The following UNC5C variants were observed in gnomAD, a reference collection of about 807,000 sequenced individuals.
UNC5C encodes unc-5 netrin receptor C.
A neutral mutation model predicts 99.8 loss-of-function variants in UNC5C; 47 were observed. The ratio of observed to expected loss-of-function variants is 0.47; its 90% confidence interval spans 0.37 to 0.60. The LOEUF (loss-of-function observed/expected upper bound fraction) is 0.60. UNC5C is among the 20% of genes least tolerant of loss of function. UNC5C has a pLI of 0.00. For missense variants in UNC5C, 1,062 were observed against 1,165.9 expected (o/e 0.91, Z 1.30); for synonymous variants, 487 against 452.2 (o/e 1.08, Z -0.98).
chr4:95,475,946 T>A (rs926097604), intron 1 of UNC5C, among the ~76,000 whole-genome samples: 1 of 152,122 alleles, frequency 6.6e-6, no homozygotes, highest in Non-Finnish European at 1.5e-5. Context: ...GCACACATTA[T>A]GCTTACCTGC....
chr4:95,534,336 A>G (rs141200694), intron 1 of UNC5C, among the ~76,000 whole-genome samples: 261 of 152,286 alleles, frequency 1.7e-3, no homozygotes, highest in Non-Finnish European at 2.9e-3. Flanking sequence ...GGTTATAAAT[A>G]TATTGGGTTA....
chr4:95,418,553 A>C (rs1329450580), intron 1 of UNC5C, among the ~76,000 whole-genome samples: 1 of 152,190 alleles, frequency 6.6e-6, no homozygotes, highest in African/African-American at 2.4e-5. Flanking sequence ...TCTGGGGTTG[A>C]GAAGTATAAT....
At position 95,165,279 on chromosome 4, in the gene UNC5C, G is replaced by A. The variant is rs947259035; in HGVS notation, c.*3955C>T. The stretch of plus-strand genomic sequence containing the variant: ...CTGAAAATCGCTCTACTTTTTGATA[G>A]TTGAGAGACTTAAATCTATAAAATA... On this transcript the variant is annotated 3_prime_UTR_variant, in exon 16 of 16. Transcript: ENST00000453304. 1 of 152,196 alleles carries A rather than the reference G, an allele frequency of 6.6e-6. No homozygotes were observed. Among genetic ancestry groups the A allele is most frequent in the African/African-American group, 2.4e-5 (1 of 41,426 alleles). The allele number at this position is 152,196 out of a possible 1,614,324, so 9.4% of individuals were successfully genotyped here. A position where few individuals can be genotyped will look rare whatever the true frequency, so the allele number is the denominator to read the frequency against.
chr4:95,355,077 T>C (rs918344908), intron 1 of UNC5C, among the ~76,000 whole-genome samples: 2 of 152,104 alleles, frequency 1.3e-5, no homozygotes, highest in African/African-American at 4.8e-5. Context: ...TTAAGAATTG[T>C]GTAATTGCTA....
chr4:95,296,831 T>C (rs569670163), intron 3 of UNC5C, among the ~76,000 whole-genome samples: 139 of 152,342 alleles, frequency 9.1e-4, no homozygotes, highest in Non-Finnish European at 1.4e-3. Context: ...TTTTTAAACA[T>C]GATTAAAAGT....
At chr4:95,183,384 A>T (rs75176531) in intron 13 of UNC5C, among the ~76,000 whole-genome samples, 1 of 16,620 alleles carries the variant, frequency 6.0e-5, no homozygotes, top group African/African-American at 1.4e-4. Context: ...GTAAATGATT[A>T]AAAAAAAAAA....
chr4:95,250,205 C>G (rs1191210828), intron 5 of UNC5C, among the ~76,000 whole-genome samples: 1 of 151,980 alleles, frequency 6.6e-6, no homozygotes, highest in African/African-American at 2.4e-5. Context: ...AGCAAGCAAG[C>G]AGCGATGGAG....
chr4:95,218,708 T>C lies in UNC5C; in HGVS notation c.1645+261A>G, dbSNP rs75588818. Among the ~76,000 whole-genome samples, 1,053 of 152,322 alleles carry C rather than the reference T, an allele frequency of 6.9e-3. 12 individuals carry two copies. Among genetic ancestry groups the C allele is most frequent in the African/African-American group, 0.024 (993 of 41,562 alleles). On this transcript the variant is annotated intron_variant, in intron 9 of 15. Coordinates refer to ENST00000453304, the MANE Select transcript of UNC5C (RefSeq NM_003728.4). ...GTTCTAGTAAAAAGGAGGTCAATGA[T>C]GGTTCTAAATTACACCTCAGCAGAA...
intron 2 of UNC5C, among the ~76,000 whole-genome samples, chr4:95,332,320 A>C (rs1029607235): frequency 1.3e-5 from 2 of 149,920 alleles, no homozygotes; most frequent in Non-Finnish European, 1.5e-5. Context: ...ACTTCAAACT[A>C]TACTGCAAGG....
chr4:95,416,989 T>C (rs1419396533), intron 1 of UNC5C, among the ~76,000 whole-genome samples: 1 of 152,168 alleles, frequency 6.6e-6, no homozygotes, highest in Non-Finnish European at 1.5e-5. Context: ...ATTCTTGGAA[T>C]AGCCTTATAA....
At position 95,347,326 on chromosome 4, in the gene UNC5C, C is replaced by T. The variant is rs1432308210; in HGVS notation, c.125-11695G>A. 3.9e-5 allele frequency among the ~76,000 whole-genome samples: 6 copies of T among 152,020 alleles called. No individual in the cohort carries two copies. The East Asian group carries it at 5.8e-4, about 15-fold the overall frequency. ...GGAAGAACCAACATTGTTAAAATGTCCATACTACCCAAAGCAATCTAGATT... is the reference window on the plus strand; with the variant it reads ...GGAAGAACCAACATTGTTAAAATGTTCATACTACCCAAAGCAATCTAGATT... On this transcript the variant is annotated intron_variant, in intron 1 of 15. Coordinates refer to ENST00000453304, the MANE Select transcript of UNC5C (RefSeq NM_003728.4).
intron 3 of UNC5C, among the ~76,000 whole-genome samples, chr4:95,292,259 AT>A (rs1316110462): frequency 0.18 from 16,842 of 92,220 alleles, 1,099 homozygotes; most frequent in Middle Eastern, 0.27. Context: ...ATATATATAT[AT>A]ATATATAAAT....
At chr4:95,399,436 T>A (rs940961567) in intron 1 of UNC5C, among the ~76,000 whole-genome samples, 1 of 152,220 alleles carries the variant, frequency 6.6e-6, no homozygotes, top group Non-Finnish European at 1.5e-5. Context: ...GATTTTCAAA[T>A]TGGATTATGT....
Position 95,354,479 on chromosome 4 carries a change from A to ATATATATATATATTTTT in UNC5C, c.125-18849_125-18848insAAAAATATATATATATA. On this transcript the variant is annotated intron_variant, in intron 1 of 15. Coordinates refer to ENST00000453304, the MANE Select transcript of UNC5C (RefSeq NM_003728.4). ...TTACCTAACTCTTCCATATATATAT[A>ATATATATATATATTTTT]TTTTTTTTTTTTTTTTAAGAGACAG... 5.4e-5 allele frequency among the ~76,000 whole-genome samples: 6 copies of ATATATATATATATTTTT among 110,348 alleles called. 1 individual carries two copies. The highest frequency in any genetic ancestry group is 8.1e-5 in the African/African-American group (2 of 24,724). 72.4% of individuals were successfully genotyped at this position (110,348 alleles called of 152,430 possible). A position where few individuals can be genotyped will look rare whatever the true frequency, so the allele number is the denominator to read the frequency against.
At chr4:95,226,841 T>A (rs1409147354) in intron 7 of UNC5C, among the ~76,000 whole-genome samples, 1 of 152,098 alleles carries the variant, frequency 6.6e-6, no homozygotes, top group East Asian at 1.9e-4. Context: ...TTGGTTGTCA[T>A]AAGGATTAGG....
At chr4:95,312,517 A>G (rs1435068399) in intron 2 of UNC5C, among the ~76,000 whole-genome samples, 3 of 152,218 alleles carry the variant, frequency 2.0e-5, no homozygotes, top group African/African-American at 4.8e-5. Flanking sequence ...GTTAATCTGC[A>G]TAACAATCCT....
At chr4:95,517,117 C>T (rs1042048374) in intron 1 of UNC5C, among the ~76,000 whole-genome samples, 3 of 151,948 alleles carry the variant, frequency 2.0e-5, no homozygotes, top group Admixed American at 6.6e-5. Context: ...GCATATGAAC[C>T]GTGCTTTAAA....
Position 95,548,741 on chromosome 4 carries a change from G to T in UNC5C, c.117C>A (p.Ala39=), listed in dbSNP as rs749134400. Residue 39 remains alanine, a synonymous_variant, in exon 1 of 16, where the codon GCC becomes GCA. Coordinates refer to ENST00000453304, the MANE Select transcript of UNC5C (RefSeq NM_003728.4). ...CTTGGCGGACCCCCTTACCTTGGGC[G>T]GCGGAGCCAGTGCCGCTGGCGCTGA... ...ALLSASGTGS[A]AQDDDFFHEL... is the part of the protein sequence containing the mutation. 4 of 1,612,658 alleles carry T rather than the reference G, an allele frequency of 2.5e-6. No homozygotes were observed. Among genetic ancestry groups the T allele is most frequent in the South Asian group, 2.2e-5 (2 of 91,024 alleles).
intron 1 of UNC5C, among the ~76,000 whole-genome samples, chr4:95,485,889 C>T (rs371746958): frequency 1.3e-5 from 2 of 151,586 alleles, no homozygotes; most frequent in Non-Finnish European, 3.0e-5. Flanking sequence ...GGTCCAACCA[C>T]GCATTTAATT....
Sources: gnomAD v4.1 joint callset for allele counts (sites outside exome capture counted in the v4.1 genomes callset) on GRCh38, gnomAD v4.1.1 for gene constraint, MANE v1.5 for transcripts, NCBI Gene and HGNC (gene_info 2026-07-23, HGNC 2026-07-21) for gene names.